Variants in ARHGAP18 observed in about 807,000 individuals in gnomAD.
The protein encoded by ARHGAP18 is rho GTPase-activating protein 18.
In ARHGAP18, 67 loss-of-function variants were observed where a neutral mutation model predicts 86.2. The ratio of observed to expected loss-of-function variants is 0.78; its 90% CI spans 0.64 to 0.95. The LOEUF (loss-of-function observed/expected upper bound fraction) is 0.95, where lower values mean the gene tolerates loss of function less well. Among genes scored for constraint, ARHGAP18 ranks in the 40% least tolerant of loss-of-function variants. The pLI, the probability that ARHGAP18 is intolerant of heterozygous loss-of-function variation, is 0.00. For missense variants in ARHGAP18, 691 were observed against 780.4 expected (o/e 0.89, Z 1.37); for synonymous variants, 283 against 280.4 (o/e 1.01, Z -0.09).
chr6:129,675,277 G>A (rs1003878525), intron 1 of ARHGAP18, among the ~76,000 whole-genome samples: 15 of 151,894 alleles, frequency 9.9e-5, no homozygotes, highest in Middle Eastern at 3.4e-3. Context: ...GTTGAGTGGC[G>A]GGAGGCTGAG....
chr6:129,700,925 T>C (rs1774699272), intron 1 of ARHGAP18, among the ~76,000 whole-genome samples: 1 of 151,978 alleles, frequency 6.6e-6, no homozygotes, highest in Non-Finnish European at 1.5e-5. Flanking sequence ...ATTCATTCAT[T>C]CAATCTTTTA....
At chr6:129,680,833 A>G (rs1774311179) in intron 1 of ARHGAP18, among the ~76,000 whole-genome samples, 1 of 152,256 alleles carries the variant, frequency 6.6e-6, no homozygotes. Flanking sequence ...TGGATAACCC[A>G]GAGAGTATGT....
intron 1 of ARHGAP18, among the ~76,000 whole-genome samples, chr6:129,651,434 A>G (rs1177605579): frequency 6.6e-6 from 1 of 152,170 alleles, no homozygotes; most frequent in Admixed American, 6.5e-5. Context: ...AATCTTTAAA[A>G]CAAATAAATA....
At chr6:129,697,664 A>T (rs1172413975) in intron 1 of ARHGAP18, among the ~76,000 whole-genome samples, 1 of 152,238 alleles carries the variant, frequency 6.6e-6, no homozygotes, top group Non-Finnish European at 1.5e-5. Context: ...ATCCAGTGTG[A>T]TGACACTGTG....
chr6:129,668,917 A>G (rs1584103501), intron 1 of ARHGAP18, among the ~76,000 whole-genome samples: 2 of 152,364 alleles, frequency 1.3e-5, no homozygotes, highest in Middle Eastern at 6.8e-3. Flanking sequence ...AACTCTGGGT[A>G]TAATATCTAA....
intron 1 of ARHGAP18, among the ~76,000 whole-genome samples, chr6:129,691,474 A>G (rs1774527372): frequency 6.6e-6 from 1 of 152,166 alleles, no homozygotes. Flanking sequence ...ACTTCCAATC[A>G]TTTCTTCAAG....
chr6:129,674,199 G>C (rs772686985), intron 1 of ARHGAP18, among the ~76,000 whole-genome samples: 1 of 152,146 alleles, frequency 6.6e-6, no homozygotes, highest in Non-Finnish European at 1.5e-5. Context: ...AGCAAGGAAG[G>C]AGGCACACAG....
intron 1 of ARHGAP18, among the ~76,000 whole-genome samples, chr6:129,657,741 A>G (rs1773868972): frequency 6.6e-6 from 1 of 152,230 alleles, no homozygotes. Flanking sequence ...TCTGTGCTGC[A>G]TTAGGCTGCA....
At chr6:129,613,556 G>A (rs1306903924) in intron 7 of ARHGAP18, among the ~76,000 whole-genome samples, 4 of 152,180 alleles carry the variant, frequency 2.6e-5, no homozygotes, top group African/African-American at 9.7e-5. Context: ...ACAGGAAAAA[G>A]TGATTGTGAC....
intron 5 of ARHGAP18, among the ~76,000 whole-genome samples, chr6:129,628,170 A>G (rs190333208): frequency 6.6e-6 from 1 of 152,312 alleles, no homozygotes; most frequent in East Asian, 1.9e-4. Context: ...CACTACACAG[A>G]GCTTGGTTTC....
rs1384410800 is a variant in ARHGAP18, at chr6:129,688,372, AATT to A, written c.113+21649_113+21651del. Among the ~76,000 whole-genome samples the A allele has an allele frequency of 4.6e-5, 7 of 152,330 alleles. 1 individual carries two copies. In the East Asian group the frequency reaches 1.3e-3, roughly 29 times the overall value. On this transcript the variant is annotated intron_variant, in intron 1 of 14. Transcript: ENST00000368149. ...TTTAAAAATGATGTAACATTATAATAATTATAACTTCCAGTCCTGTAACACAGA... is the reference window on the plus strand; with the variant it reads ...TTTAAAAATGATGTAACATTATAATAATAACTTCCAGTCCTGTAACACAGA...
chr6:129,647,657 G>A (rs565691477), intron 1 of ARHGAP18, among the ~76,000 whole-genome samples: 19 of 150,656 alleles, frequency 1.3e-4, no homozygotes, highest in Non-Finnish European at 2.5e-4. Context: ...TTTTGGCTTC[G>A]TTCTGTTTTA....
intron 1 of ARHGAP18, among the ~76,000 whole-genome samples, chr6:129,704,422 G>A (rs985751838): frequency 3.3e-5 from 5 of 151,996 alleles, no homozygotes; most frequent in East Asian, 1.9e-4. Context: ...TCCAACCTGG[G>A]TGACACAGCG....
chr6:129,709,927 AG>A, intron 1 of ARHGAP18, 96 bp downstream of exon 1: 1 of 931,742 alleles, frequency 1.1e-6, no homozygotes, highest in Middle Eastern at 2.2e-4. Flanking sequence ...CTCGACGTGC[AG>A]ATGGAATTCC....
intron 6 of ARHGAP18, among the ~76,000 whole-genome samples, chr6:129,616,961 C>CA (rs1041151320): frequency 6.6e-6 from 1 of 151,814 alleles, no homozygotes; most frequent in Admixed American, 6.6e-5. Flanking sequence ...TTTTTATCAC[C>CA]AAAAAAAGCA....
intron 1 of ARHGAP18, among the ~76,000 whole-genome samples, chr6:129,676,124 T>C (rs535622692): frequency 1.3e-5 from 2 of 152,232 alleles, no homozygotes; most frequent in South Asian, 4.1e-4. Context: ...TACTGAATGG[T>C]AAGAAAGGTG....
At chr6:129,709,505 CAT>C (rs1345052455) in intron 1 of ARHGAP18, among the ~76,000 whole-genome samples, 1 of 152,168 alleles carries the variant, frequency 6.6e-6, no homozygotes, top group African/African-American at 2.4e-5. Flanking sequence ...GAATGTGAAA[CAT>C]ATTGCCACAG....
chr6:129,583,684 A>G (rs994498429), intron 13 of ARHGAP18, among the ~76,000 whole-genome samples: 1 of 152,188 alleles, frequency 6.6e-6, no homozygotes, highest in African/African-American at 2.4e-5. Flanking sequence ...ATATCCTGGA[A>G]AGAATACTGA....
At chr6:129,687,927 A>G (rs1365745144) in intron 1 of ARHGAP18, among the ~76,000 whole-genome samples, 1 of 152,224 alleles carries the variant, frequency 6.6e-6, no homozygotes, top group Non-Finnish European at 1.5e-5. Flanking sequence ...ATACAAAACC[A>G]TGCCATCTCG....
Sources: allele counts gnomAD v4.1 joint callset (sites outside exome capture counted in the v4.1 genomes callset), GRCh38; gene constraint gnomAD v4.1.1; transcripts MANE v1.5; gene names NCBI Gene and HGNC (gene_info 2026-07-23, HGNC 2026-07-21).